Variants in NRXN1 observed in about 807,000 individuals in gnomAD.
NRXN1 encodes neurexin 1, also known as neurexin-1.
In NRXN1, 39 loss-of-function variants were observed where a neutral mutation model predicts 150.9. The ratio of observed to expected loss-of-function variants is 0.26; its 90% confidence interval spans 0.20 to 0.34. The LOEUF (loss-of-function observed/expected upper bound fraction) is 0.34, where lower values mean the gene tolerates loss of function less well. Ranked by LOEUF, NRXN1 falls within the 10% of genes least tolerant of loss-of-function variation. NRXN1 has a pLI of 1.00. For missense variants in NRXN1, 1,815 were observed against 1,949.9 expected, an observed-to-expected ratio of 0.93 and a Z score of 1.30; for synonymous variants, 924 against 757.0, an observed-to-expected ratio of 1.22 and a Z score of -3.62.
chr2:50,971,980 C>T (rs1329932322), intron 2 of NRXN1, among the ~76,000 whole-genome samples: 2 of 152,076 alleles, frequency 1.3e-5, no homozygotes, highest in African/African-American at 2.4e-5. Flanking sequence ...ATATACATCA[C>T]TTCCTTCACA....
intron 20 of NRXN1, among the ~76,000 whole-genome samples, chr2:50,054,699 G>A (rs1693325659): frequency 6.6e-6 from 1 of 152,112 alleles, no homozygotes; most frequent in Non-Finnish European, 1.5e-5. Flanking sequence ...GATTGAGTTA[G>A]TGGATTATAT....
Position 50,347,046 on chromosome 2 carries a change from TG to T in NRXN1, c.3365-110077del. 1 of 1,378,364 alleles carries T rather than the reference TG, an allele frequency of 7.3e-7. No homozygotes were observed. The highest frequency in any genetic ancestry group is 2.3e-5 in the Admixed American group (1 of 44,440). 85.4% of individuals were successfully genotyped at this position (1,378,364 alleles called of 1,614,324 possible). A position where few individuals can be genotyped will look rare whatever the true frequency, so the allele number is the denominator to read the frequency against. ...GGGGAGCGGGCGGCGCGGAGTGGGC[TG>T]AGGGGCCGGCCGCCTCACCGCGCCA... On this transcript the variant is annotated intron_variant, in intron 17 of 22. Coordinates refer to ENST00000401669, the MANE Select transcript of NRXN1 (RefSeq NM_001330078.2). This position sits in a 1 kb window ranked among gnomAD's most constrained non-coding sequence, Gnocchi z 4.9.
intron 15 of NRXN1, among the ~76,000 whole-genome samples, chr2:50,474,683 C>CAAAAAAAAAGAA (rs2089830150): frequency 1.8e-5 from 1 of 54,990 alleles, no homozygotes; most frequent in African/African-American, 8.2e-5. Flanking sequence ...ACAGAAATAG[C>CAAAAAAAAAGAA]AAAAAAAAAA....
At chr2:50,691,130 T>C (rs771467595) in intron 5 of NRXN1, among the ~76,000 whole-genome samples, 3 of 152,212 alleles carry the variant, frequency 2.0e-5, no homozygotes, top group Admixed American at 6.5e-5. Flanking sequence ...AGGCAAATTA[T>C]ATACAGAGTT....
intron 17 of NRXN1, among the ~76,000 whole-genome samples, chr2:50,342,793 C>A (rs1397041658): frequency 1.3e-5 from 2 of 152,210 alleles, no homozygotes; most frequent in Non-Finnish European, 2.9e-5. Flanking sequence ...CCTCTGAGCT[C>A]ATAGAATTGC....
intron 17 of NRXN1, among the ~76,000 whole-genome samples, chr2:50,412,879 T>C (rs1176021180): frequency 6.6e-6 from 1 of 152,206 alleles, no homozygotes; most frequent in Non-Finnish European, 1.5e-5. Flanking sequence ...ACAGGATCCA[T>C]ATGCAGAAGA....
chr2:50,569,523 G>C (rs1670350541), intron 8 of NRXN1, among the ~76,000 whole-genome samples: 1 of 151,912 alleles, frequency 6.6e-6, no homozygotes, highest in Non-Finnish European at 1.5e-5. Flanking sequence ...TATATTATAT[G>C]TAATATAAAC....
intron 17 of NRXN1, among the ~76,000 whole-genome samples, chr2:50,250,228 C>T (rs1574736404): frequency 6.6e-6 from 1 of 152,102 alleles, no homozygotes; most frequent in Admixed American, 6.6e-5. Context: ...CAAACCAACC[C>T]TGTACTTCAA....
At chr2:50,121,396 T>A (rs115171090) in intron 18 of NRXN1, among the ~76,000 whole-genome samples, 1 of 152,178 alleles carries the variant, frequency 6.6e-6, no homozygotes, top group African/African-American at 2.4e-5. Flanking sequence ...CCATTTTACA[T>A]ATGATGAAAC....
At chr2:50,115,403 C>G (rs970372510) in intron 18 of NRXN1, among the ~76,000 whole-genome samples, 2 of 151,760 alleles carry the variant, frequency 1.3e-5, no homozygotes, top group Non-Finnish European at 2.9e-5. Context: ...AATGTTTCTT[C>G]AGCACAAACT....
chr2:50,048,364 C>G (rs922579772), intron 21 of NRXN1, among the ~76,000 whole-genome samples: 4 of 151,896 alleles, frequency 2.6e-5, no homozygotes, highest in Non-Finnish European at 5.9e-5. Flanking sequence ...TTTAAATGCA[C>G]AGTGGTTATC....
intron 8 of NRXN1, among the ~76,000 whole-genome samples, chr2:50,573,026 T>C (rs1001141109): frequency 7.9e-5 from 12 of 152,202 alleles, no homozygotes; most frequent in African/African-American, 2.9e-4. Context: ...TTGGATAATA[T>C]GCAATGTACT....
intron 5 of NRXN1, among the ~76,000 whole-genome samples, chr2:50,886,832 G>A (rs1249301583): frequency 6.6e-6 from 1 of 151,148 alleles, no homozygotes; most frequent in East Asian, 1.9e-4. Flanking sequence ...TTATACTTTG[G>A]AGAGCCCAAA....
chr2:50,726,079 G>T (rs546712591), intron 5 of NRXN1, among the ~76,000 whole-genome samples: 9 of 152,164 alleles, frequency 5.9e-5, no homozygotes, highest in African/African-American at 2.2e-4. Flanking sequence ...AGTCAGTGTG[G>T]ATCATATTTC....
intron 5 of NRXN1, among the ~76,000 whole-genome samples, chr2:50,749,759 G>A (rs1489201902): frequency 6.6e-6 from 1 of 151,914 alleles, no homozygotes; most frequent in Non-Finnish European, 1.5e-5. Context: ...AACCTCAAAG[G>A]TCATTTGAAT....
intron 8 of NRXN1, among the ~76,000 whole-genome samples, chr2:50,586,845 C>G (rs1673192165): frequency 6.6e-6 from 1 of 152,096 alleles, no homozygotes; most frequent in Non-Finnish European, 1.5e-5. Flanking sequence ...TACAATAATA[C>G]AAATTTCCTG....
chr2:50,955,877 A>G (rs1004603627), intron 2 of NRXN1, among the ~76,000 whole-genome samples: 19 of 152,202 alleles, frequency 1.2e-4, no homozygotes. Flanking sequence ...AGCCTCTCCA[A>G]CAAGTTCTGT....
At position 50,407,094 on chromosome 2, in the gene NRXN1, A is replaced by T. The variant is rs545846212; in HGVS notation, c.3364+58348T>A. Reference sequence around the variant, plus strand: ...ATAGTAGTAATGATATACATTTTTTAAAAAATTATCAAATTGTGTATTTTT... The same window carrying T: ...ATAGTAGTAATGATATACATTTTTTTAAAAATTATCAAATTGTGTATTTTT... On this transcript the variant is annotated intron_variant, in intron 17 of 22. Coordinates refer to ENST00000401669, the MANE Select transcript of NRXN1 (RefSeq NM_001330078.2). Among the ~76,000 whole-genome samples the T allele has an allele frequency of 5.3e-5, 8 of 152,290 alleles. No homozygotes were observed. The South Asian group carries it at 8.3e-4, about 16-fold the overall frequency.
intron 2 of NRXN1, among the ~76,000 whole-genome samples, chr2:50,940,920 A>G (rs1188205901): frequency 6.6e-6 from 1 of 152,150 alleles, no homozygotes; most frequent in Non-Finnish European, 1.5e-5. Context: ...TGAGATAGAG[A>G]TGTATTGCTA....
Sources: allele counts gnomAD v4.1 joint callset (sites outside exome capture counted in the v4.1 genomes callset), GRCh38; gene constraint gnomAD v4.1.1; non-coding constraint Gnocchi (gnomAD v3.1); transcripts MANE v1.5; gene names NCBI Gene and HGNC (gene_info 2026-07-23, HGNC 2026-07-21).